CACHD1: variants seen among roughly 807,000 people sequenced by gnomAD.
The protein encoded by CACHD1 is VWFA and cache domain-containing protein 1.
A neutral mutation model predicts 138.7 loss-of-function variants in CACHD1; 71 were observed. The ratio of observed to expected loss-of-function variants is 0.51; its 90% CI spans 0.42 to 0.62. The LOEUF (loss-of-function observed/expected upper bound fraction) is 0.62. Among genes scored for constraint, CACHD1 ranks in the 20% least tolerant of loss-of-function variants. The pLI, the probability that CACHD1 is intolerant of heterozygous loss-of-function variation, is 0.00. For missense variants in CACHD1, 1,389 were observed against 1,625.3 expected (o/e 0.85, Z 2.50); for synonymous variants, 578 against 591.5 (o/e 0.98, Z 0.33).
At chr1:64,552,145 A>G (rs977952444) in intron 2 of CACHD1, among the ~76,000 whole-genome samples, 10 of 152,168 alleles carry the variant, frequency 6.6e-5, no homozygotes, top group Non-Finnish European at 1.3e-4. Context: ...GTCAAATGTG[A>G]AAGTTTTTTC....
At chr1:64,560,718 G>C (rs1351946683) in intron 2 of CACHD1, among the ~76,000 whole-genome samples, 1 of 151,688 alleles carries the variant, frequency 6.6e-6, no homozygotes, top group East Asian at 1.9e-4. Flanking sequence ...TGATAATGTT[G>C]TTCACATCAT....
At chr1:64,590,277 G>A (rs928242891) in intron 3 of CACHD1, among the ~76,000 whole-genome samples, 4 of 149,292 alleles carry the variant, frequency 2.7e-5, no homozygotes, top group Non-Finnish European at 4.4e-5. Flanking sequence ...AGCCAAGATC[G>A]GCGCCACGGC....
chr1:64,676,008 A>G (rs975615393), intron 21 of CACHD1, 25 bp downstream of exon 21: 3 of 295,022 alleles, frequency 1.0e-5, no homozygotes, highest in Non-Finnish European at 1.3e-5. Flanking sequence ...AATAATAATA[A>G]TAATAATAAT....
At chr1:64,531,286 A>T (rs755458756) in intron 1 of CACHD1, among the ~76,000 whole-genome samples, 21 of 152,232 alleles carry the variant, frequency 1.4e-4, no homozygotes, top group Non-Finnish European at 2.4e-4. Context: ...TCCAGTGCTG[A>T]CAATGAGCAA....
Position 64,515,755 on chromosome 1 carries a change from G to C in CACHD1, c.199-34839G>C, listed in dbSNP as rs12060418. Among the ~76,000 whole-genome samples the C allele has an allele frequency of 3.8e-3, 581 of 152,282 alleles. 4 individuals are homozygous for C. Among genetic ancestry groups the C allele is most frequent in the African/African-American group, 0.013 (520 of 41,550 alleles). ...TTATCTGACACTATTTGGGGATGCA[G>C]GTGGTCTGAAGTGGTGTGCAGAAAT... On this transcript the variant is annotated intron_variant, in intron 1 of 26. Transcript: ENST00000651257.
chr1:64,653,907 A>T (rs753275555), intron 11 of CACHD1, 26 bp downstream of exon 11: 1 of 1,606,926 alleles, frequency 6.2e-7, no homozygotes, highest in Non-Finnish European at 8.5e-7. Context: ...GGGTCATAGG[A>T]TTGTTTTTCC....
intron 1 of CACHD1, among the ~76,000 whole-genome samples, chr1:64,481,885 C>T (rs1241048034): frequency 6.6e-6 from 1 of 151,950 alleles, no homozygotes; most frequent in African/African-American, 2.4e-5. Flanking sequence ...AAAATTTAAC[C>T]AGCTTACAGT....
At chr1:64,540,333 G>A (rs910764453) in intron 1 of CACHD1, among the ~76,000 whole-genome samples, 3 of 151,968 alleles carry the variant, frequency 2.0e-5, no homozygotes, top group African/African-American at 4.8e-5. Context: ...GGGTGGAGGC[G>A]TTTGGTGTTG....
chr1:64,669,798 G>T (rs1395729954), intron 16 of CACHD1, among the ~76,000 whole-genome samples: 1 of 152,024 alleles, frequency 6.6e-6, no homozygotes, highest in Non-Finnish European at 1.5e-5. Flanking sequence ...CAATATACGT[G>T]CTGTTGCTTT....
At chr1:64,625,927 A>T (rs1286093570) in intron 4 of CACHD1, among the ~76,000 whole-genome samples, 1 of 152,222 alleles carries the variant, frequency 6.6e-6, no homozygotes, top group African/African-American at 2.4e-5. Flanking sequence ...TGTCACATGC[A>T]GATGCCAGGT....
At chr1:64,670,198 G>A (rs1400288190) in intron 16 of CACHD1, among the ~76,000 whole-genome samples, 1 of 152,166 alleles carries the variant, frequency 6.6e-6, no homozygotes. Context: ...AGCTACTTGA[G>A]ACTGGGGCAG....
chr1:64,589,475 T>C (rs1282044992), intron 3 of CACHD1, among the ~76,000 whole-genome samples: 4 of 151,656 alleles, frequency 2.6e-5, no homozygotes, highest in Non-Finnish European at 4.4e-5. Context: ...ACCAATAGCG[T>C]GTGTGTGTGT....
chr1:64,551,029 G>A (rs999015316), intron 2 of CACHD1, among the ~76,000 whole-genome samples: 4 of 152,096 alleles, frequency 2.6e-5, no homozygotes, highest in Non-Finnish European at 4.4e-5. Flanking sequence ...TTATTTTGTA[G>A]CCCCAGTAAG....
intron 1 of CACHD1, among the ~76,000 whole-genome samples, chr1:64,500,193 C>T (rs1646330299): frequency 6.6e-6 from 1 of 152,180 alleles, no homozygotes; most frequent in Non-Finnish European, 1.5e-5. Context: ...TTCTGATCAG[C>T]CCATTGGCCA....
Position 64,691,702 on chromosome 1 carries a change from C to G in CACHD1, c.*141C>G. 1.5e-6 allele frequency: 1 copy of G among 679,476 alleles called. No homozygotes were observed. Among genetic ancestry groups the G allele is most frequent in the Non-Finnish European group, 2.5e-6 (1 of 401,896 alleles). 42.1% of individuals were successfully genotyped at this position (679,476 alleles called of 1,614,324 possible). A position where few individuals can be genotyped will look rare whatever the true frequency, so the allele number is the denominator to read the frequency against. ...CAGAGTTGTTTGAGTCATTTCCTGC[C>G]TGTCGACATGGTTAAAAACGAGAGA... On this transcript the variant is annotated 3_prime_UTR_variant, in exon 27 of 27. Coordinates refer to ENST00000651257, the MANE Select transcript of CACHD1 (RefSeq NM_020925.4).
chr1:64,688,987 G>A (rs1230489478), intron 26 of CACHD1, among the ~76,000 whole-genome samples: 3 of 152,080 alleles, frequency 2.0e-5, no homozygotes, highest in African/African-American at 7.2e-5. Flanking sequence ...CTCTGTTTTA[G>A]CACATGGGTG....
At chr1:64,557,993 T>C (rs1646811358) in intron 2 of CACHD1, among the ~76,000 whole-genome samples, 1 of 151,926 alleles carries the variant, frequency 6.6e-6, no homozygotes, top group African/African-American at 2.4e-5. Flanking sequence ...GAGACAGGGT[T>C]TCACCATGTT....
chr1:64,526,422 A>C (rs1228772516), intron 1 of CACHD1, among the ~76,000 whole-genome samples: 1 of 152,192 alleles, frequency 6.6e-6, no homozygotes, highest in Non-Finnish European at 1.5e-5. Context: ...AGAAAGAGAC[A>C]AACAAAAATG....
intron 12 of CACHD1, among the ~76,000 whole-genome samples, chr1:64,656,471 T>C (rs1203991713): frequency 3.3e-5 from 5 of 152,120 alleles, no homozygotes; most frequent in Non-Finnish European, 5.9e-5. Context: ...AAATTAGAGA[T>C]TGTTTACCTC....
Sources: gnomAD v4.1 joint callset for allele counts (sites outside exome capture counted in the v4.1 genomes callset) on GRCh38, gnomAD v4.1.1 for gene constraint, MANE v1.5 for transcripts, NCBI Gene and HGNC (gene_info 2026-07-23, HGNC 2026-07-21) for gene names.